PPP2R2B: variants seen among roughly 807,000 people sequenced by gnomAD.
PPP2R2B encodes serine/threonine-protein phosphatase 2A 55 kDa regulatory subunit B beta isoform.
PPP2R2B carries 5 observed loss-of-function variants against 46.0 expected under a neutral mutation model. The ratio of observed to expected loss-of-function variants is 0.11; its 90% CI spans 0.06 to 0.23. The LOEUF is 0.23. Among genes scored for constraint, PPP2R2B ranks in the 10% least tolerant of loss-of-function variants. The pLI is 1.00. For missense variants in PPP2R2B, 367 were observed against 575.0 expected (o/e 0.64, Z 3.70); for synonymous variants, 215 against 206.7 (o/e 1.04, Z -0.34).
intron 1 of PPP2R2B, among the ~76,000 whole-genome samples, chr5:146,910,630 A>C (rs1352851702): frequency 6.6e-6 from 1 of 152,194 alleles, no homozygotes; most frequent in Non-Finnish European, 1.5e-5. Context: ...TCACTTAAGC[A>C]CTTAGAATAT....
chr5:146,760,038 G>C (rs1235571001), intron 2 of PPP2R2B, among the ~76,000 whole-genome samples: 1 of 152,138 alleles, frequency 6.6e-6, no homozygotes, highest in Non-Finnish European at 1.5e-5. Flanking sequence ...AGGTGTGTTT[G>C]TTTAGAAGCT....
chr5:146,772,904 G>T (rs187421992), intron 2 of PPP2R2B, among the ~76,000 whole-genome samples: 57 of 152,264 alleles, frequency 3.7e-4, no homozygotes, highest in Non-Finnish European at 7.5e-4. Flanking sequence ...TCATTTAAGG[G>T]TTTTGATTGT....
chr5:146,801,068 AAGTC>A (rs1391131391), intron 2 of PPP2R2B, among the ~76,000 whole-genome samples: 1 of 152,198 alleles, frequency 6.6e-6, no homozygotes, highest in East Asian at 1.9e-4. Flanking sequence ...AAAGTGAAAT[AAGTC>A]AGATGCAGAA....
intron 1 of PPP2R2B, among the ~76,000 whole-genome samples, chr5:146,971,185 G>A (rs924636189): frequency 6.6e-6 from 1 of 152,118 alleles, no homozygotes; most frequent in Admixed American, 6.5e-5. Flanking sequence ...AATGTGGTAG[G>A]ACATATGTTC....
intron 1 of PPP2R2B, among the ~76,000 whole-genome samples, chr5:147,011,978 G>A (rs2151878431): frequency 6.9e-6 from 1 of 143,952 alleles, no homozygotes; most frequent in South Asian, 2.3e-4. Flanking sequence ...GATTCGGTTT[G>A]CCAGTATTTT....
chr5:146,807,312 G>A (rs1282473471), intron 2 of PPP2R2B, among the ~76,000 whole-genome samples: 1 of 152,092 alleles, frequency 6.6e-6, no homozygotes, highest in East Asian at 1.9e-4. Flanking sequence ...AGGAGGCATG[G>A]CAGTATGTTT....
chr5:146,910,310 T>G (rs1178596794), intron 1 of PPP2R2B, among the ~76,000 whole-genome samples: 2 of 152,256 alleles, frequency 1.3e-5, no homozygotes, highest in African/African-American at 2.4e-5. Context: ...AAAGCTAGTT[T>G]GATCATTTAT....
intron 1 of PPP2R2B, among the ~76,000 whole-genome samples, chr5:146,993,367 C>T (rs184007984): frequency 5.7e-4 from 86 of 151,962 alleles, no homozygotes; most frequent in Non-Finnish European, 1.0e-3. Flanking sequence ...CTCAGCCTCC[C>T]GAGTAGCTGG....
At chr5:146,846,733 A>C (rs889374960) in intron 2 of PPP2R2B, among the ~76,000 whole-genome samples, 1 of 152,198 alleles carries the variant, frequency 6.6e-6, no homozygotes, top group Non-Finnish European at 1.5e-5. Context: ...GTAGCTACTA[A>C]AAAATTAAAA....
At chr5:146,606,735 C>A (rs779667128) in intron 7 of PPP2R2B, among the ~76,000 whole-genome samples, 4 of 152,144 alleles carry the variant, frequency 2.6e-5, no homozygotes, top group Admixed American at 6.5e-5. Context: ...GGCTGCGACA[C>A]AGACACATAC....
intron 8 of PPP2R2B, among the ~76,000 whole-genome samples, chr5:146,594,339 A>C (rs1257770350): frequency 6.6e-6 from 1 of 152,224 alleles, no homozygotes; most frequent in African/African-American, 2.4e-5. Context: ...CATGTATGTC[A>C]AATAAGGCTC....
At chr5:146,772,190 T>C (rs565002668) in intron 2 of PPP2R2B, among the ~76,000 whole-genome samples, 7 of 152,102 alleles carry the variant, frequency 4.6e-5, no homozygotes, top group African/African-American at 1.7e-4. Flanking sequence ...TTGCTGATCA[T>C]AAAAGCAAGC....
intron 2 of PPP2R2B, among the ~76,000 whole-genome samples, chr5:146,843,900 G>A (rs368926758): frequency 1.6e-4 from 25 of 151,728 alleles, no homozygotes; most frequent in African/African-American, 4.6e-4. Flanking sequence ...GAATAGTGCC[G>A]CAATAAACAT....
At chr5:147,053,056 G>A (rs1474662283) in intron 1 of PPP2R2B, among the ~76,000 whole-genome samples, 7 of 151,818 alleles carry the variant, frequency 4.6e-5, no homozygotes, top group Non-Finnish European at 7.4e-5. Context: ...ACCCTGCTAT[G>A]TCATTTTGAA....
At chr5:146,924,106 A>G (rs1763701115) in intron 1 of PPP2R2B, among the ~76,000 whole-genome samples, 1 of 152,188 alleles carries the variant, frequency 6.6e-6, no homozygotes, top group African/African-American at 2.4e-5. Flanking sequence ...AGGATCAGGA[A>G]AAATAACTAA....
At chr5:146,701,225 T>C (rs752732421) in intron 2 of PPP2R2B, 83 bp from the exon 3 acceptor site, 1 of 1,188,880 alleles carries the variant, frequency 8.4e-7, no homozygotes, top group South Asian at 1.2e-5. Flanking sequence ...TTTCTGTGCA[T>C]TTAAGGGCTT....
At chr5:146,781,283 T>A (rs779999064) in intron 2 of PPP2R2B, among the ~76,000 whole-genome samples, 1 of 149,980 alleles carries the variant, frequency 6.7e-6, no homozygotes, top group Non-Finnish European at 1.5e-5. Flanking sequence ...CAGGTCTAAG[T>A]CTAAATCTTT....
chr5:146,828,670 C>T lies in PPP2R2B; in HGVS notation c.70+49332G>A, dbSNP rs556957086. 4.6e-5 allele frequency among the ~76,000 whole-genome samples: 7 copies of T among 152,186 alleles called. No individual in the cohort carries two copies. In the East Asian group the frequency reaches 7.7e-4, roughly 17 times the overall value. The stretch of plus-strand genomic sequence containing the variant: ...ATGGACAAAAAGGATGATCTTTTTC[C>T]CCCCAACACAAAACAGACAACACTA... On this transcript the variant is annotated intron_variant, in intron 2 of 9. Transcript: ENST00000394411.
At chr5:147,051,677 G>T (rs1756824803) in intron 1 of PPP2R2B, among the ~76,000 whole-genome samples, 1 of 150,844 alleles carries the variant, frequency 6.6e-6, no homozygotes, top group Admixed American at 6.6e-5. Context: ...AGTGCCTGGT[G>T]CCAAATTAGG....
Sources: gnomAD v4.1 joint callset for allele counts (sites outside exome capture counted in the v4.1 genomes callset) on GRCh38, gnomAD v4.1.1 for gene constraint, MANE v1.5 for transcripts, NCBI Gene and HGNC (gene_info 2026-07-23, HGNC 2026-07-21) for gene names.